Variants in TOR4A observed in about 807,000 individuals in gnomAD.
TOR4A encodes torsin-4A.
TOR4A carries 12 observed loss-of-function variants against 11.5 expected under a neutral mutation model. That is an observed-to-expected ratio of 1.04 (90% CI 0.67 to 1.69). The LOEUF is 1.69. TOR4A is among the 40% of genes most tolerant of loss of function. The probability of loss-of-function intolerance (pLI) is 0.00; values close to 1 mark genes in which losing one functional copy is unlikely to be tolerated. For synonymous variants in TOR4A, 362 were observed against 307.4 expected (o/e 1.18, Z -1.86); for missense variants, 640 against 643.2 (o/e 0.99, Z 0.05).
Position 137,279,407 on chromosome 9 carries a change from C to G in TOR4A, c.718C>G (p.Arg240Gly), listed in dbSNP as rs1830687721. 2.0e-6 allele frequency: 3 copies of G among 1,533,846 alleles called. No homozygotes were observed. The highest frequency in any genetic ancestry group is 1.8e-6 in the Non-Finnish European group (2 of 1,141,508). The stretch of plus-strand genomic sequence containing the variant: ...CGAGGCGCGCGCCGCACAGGACTGC[C>G]GCGAGGAGCTGGCGCGGCGCGTGGC... Reference protein sequence around the residue: ...CPEARAAQDCREELARRVADV... With the variant: ...CPEARAAQDCGEELARRVADV... The change falls in exon 2 of 2, where the codon CGC becomes GGC. Residue 240 changes from arginine to glycine, a missense_variant. Physicochemically the swap from Arg to Gly is moderately radical, Grantham distance 125. Coordinates refer to ENST00000357503, the MANE Select transcript of TOR4A (RefSeq NM_017723.3).
At chr9:137,278,216 C>A (rs1189691678) in intron 1 of TOR4A, among the ~76,000 whole-genome samples, 1 of 152,190 alleles carries the variant, frequency 6.6e-6, no homozygotes, top group Non-Finnish European at 1.5e-5. Flanking sequence ...GCGCTCAGGC[C>A]TCTGCTTCCC....
chr9:137,281,502 T>G lies in TOR4A; in HGVS notation c.*1541T>G, dbSNP rs2119003644. ...TTCTCGCCCTGGTGGTTGGTGTCTG[T>G]GGTCGGGGGCGAGGGCCGTCTAGTG... On this transcript the variant is annotated 3_prime_UTR_variant, in exon 2 of 2. Transcript: ENST00000357503. 1 of 162,850 alleles carries G rather than the reference T, an allele frequency of 6.1e-6. No individual in the cohort carries two copies. Among genetic ancestry groups the G allele is most frequent in the Admixed American group, 6.5e-5 (1 of 15,308 alleles). 10.1% of individuals were successfully genotyped at this position (162,850 alleles called of 1,614,324 possible). A position where few individuals can be genotyped will look rare whatever the true frequency, so the allele number is the denominator to read the frequency against.
chr9:137,280,371 GC>G lies in TOR4A; in HGVS notation c.*416del. 1 of 204,596 alleles carries G rather than the reference GC, an allele frequency of 4.9e-6. No homozygotes were observed. Among genetic ancestry groups the G allele is most frequent in the East Asian group, 1.3e-4 (1 of 7,538 alleles). 12.7% of individuals were successfully genotyped at this position (204,596 alleles called of 1,614,324 possible). On this transcript the variant is annotated 3_prime_UTR_variant, in exon 2 of 2. Coordinates refer to ENST00000357503, the MANE Select transcript of TOR4A (RefSeq NM_017723.3). Reference sequence around the variant, plus strand: ...GTGCTGAAGTGGGGTTCTCATTCCGGCCCCCCTGGAGATGACCCCGGAGGAG... The same window carrying G: ...GTGCTGAAGTGGGGTTCTCATTCCGGCCCCCTGGAGATGACCCCGGAGGAG...
At position 137,279,779 on chromosome 9, in the gene TOR4A, C is replaced by G. The variant is rs899644102; in HGVS notation, c.1090C>G (p.Leu364Val). ...GCAGGCCGCGGCCATCGTGCCGTTT[C>G]TGCTGCTGGACAAGCGGGATGTGGT... ...LWQAAAIVPF[L>V]LLDKRDVVSC... The change falls in exon 2 of 2, where the codon CTG (leucine) becomes GTG (valine). Residue 364 changes from leucine to valine, a missense_variant. By Grantham distance (32) the Leu-to-Val change is conservative. Coordinates refer to ENST00000357503, the MANE Select transcript of TOR4A (RefSeq NM_017723.3). 1.8e-4 allele frequency: 284 copies of G among 1,591,228 alleles called. No individual in the cohort carries two copies. Among genetic ancestry groups the G allele is most frequent in the Non-Finnish European group, 2.4e-4 (277 of 1,175,500 alleles).
rs1274773531 is a variant in TOR4A, at chr9:137,282,390, AC to A, written c.*2430del. 6.4e-6 allele frequency: 1 copy of A among 156,114 alleles called. No individual in the cohort carries two copies. Among genetic ancestry groups the A allele is most frequent in the African/African-American group, 2.4e-5 (1 of 41,322 alleles). The allele number at this position is 156,114 out of a possible 1,614,324, so 9.7% of individuals were successfully genotyped here. On this transcript the variant is annotated 3_prime_UTR_variant, in exon 2 of 2. Transcript: ENST00000357503. ...TAATTTTTTTGTATTGTTGGTAGAG[AC>A]GGTGATTCACTATGTTGGCCAGGCT...
rs772180445 is a variant in TOR4A at position 137,279,802 on chromosome 9, G to C, written c.1113G>C (p.Val371=). Residue 371 remains valine (V), a synonymous_variant, in exon 2 of 2, where the codon GTG becomes GTC. Transcript: ENST00000357503. ...TTCTGCTGCTGGACAAGCGGGATGT[G>C]GTCAGCTGCTTCCGGGACGAGATGG... ...VPFLLLDKRD[V]VSCFRDEMAG... 6.3e-7 allele frequency: 1 copy of C among 1,597,322 alleles called. No homozygotes were observed. Among genetic ancestry groups the C allele is most frequent in the East Asian group, 2.2e-5 (1 of 44,536 alleles).
At position 137,279,665 on chromosome 9, in the gene TOR4A, T is replaced by C. The variant is rs200176651; in HGVS notation, c.976T>C (p.Phe326Leu). Reference sequence around the variant, plus strand: ...CGCGCTGCCCCTGCGCCCCGACGGCTTCCGCAGTGCCGAGGCCGCAGCGGC... The same window carrying C: ...CGCGCTGCCCCTGCGCCCCGACGGCCTCCGCAGTGCCGAGGCCGCAGCGGC... ...SRALPLRPDG[F>L]RSAEAAAAQA... The change falls in exon 2 of 2, where the codon TTC becomes CTC. Residue 326 changes from phenylalanine to leucine, a missense_variant. Phe to Leu is a conservative substitution (Grantham distance 22, BLOSUM62 0). Transcript: ENST00000357503. The C allele has an allele frequency of 1.3e-6, 2 of 1,566,356 alleles. No homozygotes were observed. Among genetic ancestry groups the C allele is most frequent in the African/African-American group, 1.3e-5 (1 of 74,228 alleles).
In TOR4A at chr9:137,281,238, G is replaced by T. The variant is rs1381124142; in HGVS notation, c.*1277G>T. The T allele has an allele frequency of 1.2e-5, 2 of 165,642 alleles. No homozygotes were observed. Among genetic ancestry groups the T allele is most frequent in the Non-Finnish European group, 1.5e-5 (1 of 68,096 alleles). The allele number at this position is 165,642 out of a possible 1,614,324, so 10.3% of individuals were successfully genotyped here. ...GCGAGGAGGTTTCACGCCGGTGCGGGGCGCCGTCGAGGTGGGGGCACCGCG... is the reference window on the plus strand; with the variant it reads ...GCGAGGAGGTTTCACGCCGGTGCGGTGCGCCGTCGAGGTGGGGGCACCGCG... On this transcript the variant is annotated 3_prime_UTR_variant, in exon 2 of 2. Transcript: ENST00000357503.
At position 137,278,727 on chromosome 9, in the gene TOR4A, C is replaced by A; in HGVS notation, c.38C>A (p.Ala13Glu). 1 of 1,374,824 alleles carries A rather than the reference C, an allele frequency of 7.3e-7. No homozygotes were observed. The highest frequency in any genetic ancestry group is 9.3e-7 in the Non-Finnish European group (1 of 1,070,748). The allele number at this position is 1,374,824 out of a possible 1,614,324, so 85.2% of individuals were successfully genotyped here. A position where few individuals can be genotyped will look rare whatever the true frequency, so the allele number is the denominator to read the frequency against. Residue 13 changes from alanine (A) to glutamate (E), a missense_variant, in exon 2 of 2, where the codon GCG becomes GAG. Transcript: ENST00000357503. ...RGQPSLEPAA[A>E]APRASGRCVI... ...CAGCCCAGCCTGGAGCCTGCTGCCG[C>A]GGCCCCCCGAGCCTCGGGCCGGTGC...
chr9:137,278,601 G>C, intron 1 of TOR4A, 52 bp from the exon 2 acceptor site: 3 of 1,164,986 alleles, frequency 2.6e-6, no homozygotes, highest in East Asian at 3.5e-5. Context: ...GGCGGCCCGC[G>C]GGAAAGGGCA....
chr9:137,280,334 G>C lies in TOR4A; in HGVS notation c.*373G>C, dbSNP rs928106604. Reference sequence around the variant, plus strand: ...GTGACCCCGCCTCTTGGGGGTGGTCGCGTGTTGCTCAGTGCTGAAGTGGGG... The same window carrying C: ...GTGACCCCGCCTCTTGGGGGTGGTCCCGTGTTGCTCAGTGCTGAAGTGGGG... On this transcript the variant is annotated 3_prime_UTR_variant, in exon 2 of 2. Coordinates refer to ENST00000357503, the MANE Select transcript of TOR4A (RefSeq NM_017723.3). 3 of 285,588 alleles carry C rather than the reference G, an allele frequency of 1.1e-5. No individual in the cohort carries two copies. Among genetic ancestry groups the C allele is most frequent in the Non-Finnish European group, 2.1e-5 (3 of 142,620 alleles). The allele number at this position is 285,588 out of a possible 1,614,324, so 17.7% of individuals were successfully genotyped here.
rs1019757926 is a variant in TOR4A, at chr9:137,277,738, C to A, written c.-207C>A. The A allele has an allele frequency of 6.6e-6, 1 of 152,412 alleles. No homozygotes were observed. The highest frequency in any genetic ancestry group is 1.5e-5 in the Non-Finnish European group (1 of 68,202). The allele number at this position is 152,412 out of a possible 1,614,324, so 9.4% of individuals were successfully genotyped here. A position where few individuals can be genotyped will look rare whatever the true frequency, so the allele number is the denominator to read the frequency against. On this transcript the variant is annotated 5_prime_UTR_variant, in exon 1 of 2. Transcript: ENST00000357503. ...CAGAGCTTCCTCTACTCCGGCCGGCCGCTCCCTGGGGACCCACAGGTGTCG... is the reference window on the plus strand; with the variant it reads ...CAGAGCTTCCTCTACTCCGGCCGGCAGCTCCCTGGGGACCCACAGGTGTCG...
rs181912472 is a variant in TOR4A at position 137,278,564 on chromosome 9, G to C, written c.-37-89G>C. On this transcript the variant is annotated intron_variant, in intron 1 of 1. Transcript: ENST00000357503. ...GCCGCACCCCACGGGACTCCCAGGG[G>C]GTAAGATCACTCCGGGGACCGGTTC... is the stretch of plus-strand genomic sequence containing the variant. The C allele has an allele frequency of 2.6e-3, 2,486 of 970,352 alleles. 43 individuals carry two copies. In the African/African-American group the frequency reaches 0.039, roughly 15 times the overall value. 60.1% of individuals were successfully genotyped at this position (970,352 alleles called of 1,614,324 possible). A position where few individuals can be genotyped will look rare whatever the true frequency, so the allele number is the denominator to read the frequency against.
intron 1 of TOR4A, 126 bp from the exon 2 acceptor site, chr9:137,278,527 G>C: frequency 1.6e-6 from 1 of 608,720 alleles, no homozygotes; most frequent in Non-Finnish European, 2.3e-6. Flanking sequence ...CCCTGGCCCT[G>C]GGGCAGCCCG....
Position 137,278,995 on chromosome 9 carries a change from C to T in TOR4A, c.306C>T (p.Tyr102=). 1 of 1,607,008 alleles carries T rather than the reference C, an allele frequency of 6.2e-7. No individual in the cohort carries two copies. The highest frequency in any genetic ancestry group is 8.5e-7 in the Non-Finnish European group (1 of 1,177,698). Residue 102 remains tyrosine (Y), a synonymous_variant, in exon 2 of 2, where the codon TAC becomes TAT. Transcript: ENST00000357503. ...KKRRRSRLVL[Y]PETSRKYRPR... ...GCCGGCGCAGCCGCCTGGTGCTTTA[C>T]CCGGAGACCTCGCGCAAGTATCGGC... is the stretch of plus-strand genomic sequence containing the variant.
rs754500488 is a variant in TOR4A, at chr9:137,279,871, G to A, written c.1182G>A (p.Leu394=). 20 of 1,584,450 alleles carry A rather than the reference G, an allele frequency of 1.3e-5. 1 individual carries two copies. In the Middle Eastern group the frequency reaches 5.0e-4, roughly 39 times the overall value. ...FFPDQARAEN[L]AAQLSFYRVA... ...CTGACCAGGCCCGCGCGGAGAACCT[G>A]GCCGCGCAGCTCAGCTTCTACCGCG... The change falls in exon 2 of 2, where the codon CTG becomes CTA. Residue 394 remains leucine (L), a synonymous_variant. Transcript: ENST00000357503.
Position 137,280,728 on chromosome 9 carries a change from C to CT in TOR4A, c.*770dup. The CT allele has an allele frequency of 6.0e-6, 1 of 167,338 alleles. No individual in the cohort carries two copies. The allele number at this position is 167,338 out of a possible 1,614,324, so 10.4% of individuals were successfully genotyped here. A position where few individuals can be genotyped will look rare whatever the true frequency, so the allele number is the denominator to read the frequency against. The stretch of plus-strand genomic sequence containing the variant: ...TGGTCACCACGATTGCGCGACCTCC[C>CT]TTTCCCTGGGGCCTTTTGTGCCCCG... On this transcript the variant is annotated 3_prime_UTR_variant, in exon 2 of 2. Coordinates refer to ENST00000357503, the MANE Select transcript of TOR4A (RefSeq NM_017723.3).
At position 137,279,536 on chromosome 9, in the gene TOR4A, C is replaced by A. The variant is rs776333172; in HGVS notation, c.847C>A (p.Leu283Met). 6 of 1,587,404 alleles carry A rather than the reference C, an allele frequency of 3.8e-6. No homozygotes were observed. The Admixed American group carries it at 8.6e-5, about 23-fold the overall frequency. The change falls in exon 2 of 2, where the codon CTG (leucine) becomes ATG (methionine). Residue 283 changes from leucine (L) to methionine (M), a missense_variant. Transcript: ENST00000357503. ...RPLLDELHGF[L>M]QPQRSHHFHN... Reference sequence around the variant, plus strand: ...GCTGCTGGACGAGCTGCACGGCTTCCTGCAGCCGCAGCGCTCCCACCACTT... The same window carrying A: ...GCTGCTGGACGAGCTGCACGGCTTCATGCAGCCGCAGCGCTCCCACCACTT...
At chr9:137,278,531 C>A (rs1220065933) in intron 1 of TOR4A, 122 bp from the exon 2 acceptor site, 2 of 640,966 alleles carry the variant, frequency 3.1e-6, no homozygotes, top group Admixed American at 4.6e-5. Flanking sequence ...GGCCCTGGGG[C>A]AGCCCGGGCC....
Sources: gnomAD v4.1 joint callset for allele counts (sites outside exome capture counted in the v4.1 genomes callset) on GRCh38, gnomAD v4.1.1 for gene constraint, MANE v1.5 for transcripts, NCBI Gene and HGNC (gene_info 2026-07-23, HGNC 2026-07-21) for gene names.